Variants in DLG1 observed in about 807,000 individuals in gnomAD.
DLG1 encodes the protein disks large homolog 1.
A neutral mutation model predicts 123.4 loss-of-function variants in DLG1; 42 were observed. The ratio of observed to expected loss-of-function variants is 0.34; its 90% confidence interval spans 0.27 to 0.44. The LOEUF (loss-of-function observed/expected upper bound fraction) is 0.44, where lower values mean the gene tolerates loss of function less well. Ranked by LOEUF, DLG1 falls within the 20% of genes least tolerant of loss-of-function variation. The probability of loss-of-function intolerance (pLI) is 1.00; values close to 1 mark genes in which losing one functional copy is unlikely to be tolerated. For synonymous variants in DLG1, 317 were observed against 356.2 expected (o/e 0.89, Z 1.24); for missense variants, 942 against 1,082.6 (o/e 0.87, Z 1.82).
chr3:197,297,707 G>A (rs1208023887), intron 1 of DLG1: 3 of 988,178 alleles, frequency 3.0e-6, no homozygotes, highest in Non-Finnish European at 3.6e-6. Flanking sequence ...GGCTGCTCCA[G>A]CGGGGGCCGG....
At chr3:197,195,678 T>C (rs923253965) in intron 4 of DLG1, among the ~76,000 whole-genome samples, 5 of 151,980 alleles carry the variant, frequency 3.3e-5, no homozygotes, top group Admixed American at 6.6e-5. Context: ...AGCTAAACAC[T>C]GAACACACAT....
rs568356014 is a variant in DLG1 at position 197,065,998 on chromosome 3, T to C, written c.2099-189A>G. Reference sequence around the variant, plus strand: ...TAATCTTGACTCAGATCTTAAACTTTACTTAGTCTTCTGCTAGAAGTCATA... The same window carrying C: ...TAATCTTGACTCAGATCTTAAACTTCACTTAGTCTTCTGCTAGAAGTCATA... On this transcript the variant is annotated intron_variant, in intron 20 of 24. Coordinates refer to ENST00000667157, the MANE Select transcript of DLG1 (RefSeq NM_001366207.1). 2.3e-4 allele frequency among the ~76,000 whole-genome samples: 35 copies of C among 152,362 alleles called. 1 individual carries two copies. The Middle Eastern group carries it at 0.02, about 89-fold the overall frequency.
At position 197,080,742 on chromosome 3, in the gene DLG1, G is replaced by A. The variant is rs534758624; in HGVS notation, c.1905+309C>T. On this transcript the variant is annotated intron_variant, in intron 17 of 24. Coordinates refer to ENST00000667157, the MANE Select transcript of DLG1 (RefSeq NM_001366207.1). Reference sequence around the variant, plus strand: ...CTCCCAAAGTGCTGGGATTACAGGCGTGAGCCACCATGCCCGGCCTAGTAA... The same window carrying A: ...CTCCCAAAGTGCTGGGATTACAGGCATGAGCCACCATGCCCGGCCTAGTAA... 1.3e-4 allele frequency: 25 copies of A among 195,496 alleles called. No homozygotes were observed. In the South Asian group the frequency reaches 1.5e-3, roughly 11 times the overall value. 12.1% of individuals were successfully genotyped at this position (195,496 alleles called of 1,614,324 possible). A position where few individuals can be genotyped will look rare whatever the true frequency, so the allele number is the denominator to read the frequency against.
intron 5 of DLG1, among the ~76,000 whole-genome samples, chr3:197,182,250 T>C (rs73210537): frequency 4.6e-5 from 7 of 152,328 alleles, no homozygotes; most frequent in Non-Finnish European, 8.8e-5. Context: ...TTTCGTGATA[T>C]ATGTAATTGC....
chr3:197,093,748 CTGTCT>C (rs1560613191), intron 14 of DLG1, among the ~76,000 whole-genome samples: 1 of 152,068 alleles, frequency 6.6e-6, no homozygotes, highest in Non-Finnish European at 1.5e-5. Flanking sequence ...TCTTACCATC[CTGTCT>C]TATTTATTCA....
intron 14 of DLG1, among the ~76,000 whole-genome samples, chr3:197,097,028 A>G (rs552629636): frequency 1.1e-4 from 17 of 152,366 alleles, no homozygotes; most frequent in Non-Finnish European, 2.4e-4. Context: ...GTTTAAAGAC[A>G]TGACCTCAGA....
intron 5 of DLG1, among the ~76,000 whole-genome samples, chr3:197,192,640 T>C (rs1181074558): frequency 1.3e-5 from 2 of 152,144 alleles, no homozygotes; most frequent in East Asian, 3.8e-4. Context: ...TATCTTTAAT[T>C]GATATTCAGC....
chr3:197,089,157 G>C (rs935447896), intron 15 of DLG1, among the ~76,000 whole-genome samples: 21 of 152,216 alleles, frequency 1.4e-4, no homozygotes, highest in Admixed American at 1.4e-3. Context: ...GAGGATGCTT[G>C]TTTCTGGAGA....
At chr3:197,242,511 A>G (rs1218463758) in intron 4 of DLG1, among the ~76,000 whole-genome samples, 1 of 151,782 alleles carries the variant, frequency 6.6e-6, no homozygotes, top group Non-Finnish European at 1.5e-5. Flanking sequence ...CACATAAAAC[A>G]TGCTCCAGAA....
At chr3:197,094,203 T>C (rs978219487) in intron 14 of DLG1, among the ~76,000 whole-genome samples, 2 of 152,218 alleles carry the variant, frequency 1.3e-5, no homozygotes, top group African/African-American at 4.8e-5. Flanking sequence ...CCTCAGTTGA[T>C]GCCAGAAGGA....
intron 4 of DLG1, among the ~76,000 whole-genome samples, chr3:197,265,654 A>G (rs9871992): frequency 0.14 from 21,770 of 152,168 alleles, 2,172 homozygotes; most frequent in African/African-American, 0.28. Flanking sequence ...AGCAAATGGA[A>G]CAAAACCCAG....
intron 5 of DLG1, among the ~76,000 whole-genome samples, chr3:197,178,692 T>C (rs935809243): frequency 1.3e-5 from 2 of 152,020 alleles, no homozygotes; most frequent in African/African-American, 4.8e-5. Flanking sequence ...ATGAGGCTGG[T>C]AGAATATTAA....
chr3:197,298,662 C>A (rs1394766479), upstream of DLG1: 2 of 397,750 alleles, frequency 5.0e-6, no homozygotes, highest in Non-Finnish European at 8.9e-6. Flanking sequence ...ACTGCACCTC[C>A]CAGGGGGCGG....
rs71926647 is a variant in DLG1, at chr3:197,294,657, CAA to C, written c.151+1687_151+1688del. On this transcript the variant is annotated intron_variant, in intron 3 of 24. Transcript: ENST00000667157. ...TGGGTGACAGAGTGAGACTCTGCCT[CAA>C]AAAAAAAAAAAAAAAAAAAGAGAAG... 2.5e-3 allele frequency among the ~76,000 whole-genome samples: 197 copies of C among 79,122 alleles called. 1 individual carries two copies. The highest frequency in any genetic ancestry group is 0.013 in the East Asian group (29 of 2,264). 51.9% of individuals were successfully genotyped at this position (79,122 alleles called of 152,430 possible).
chr3:197,113,609 C>G (rs1002431243), intron 13 of DLG1, among the ~76,000 whole-genome samples: 1 of 152,150 alleles, frequency 6.6e-6, no homozygotes, highest in South Asian at 2.1e-4. Flanking sequence ...TTCACTTTTA[C>G]TTACAACCCA....
chr3:197,184,824 T>TGG (rs1714850262), intron 5 of DLG1, among the ~76,000 whole-genome samples: 1 of 152,236 alleles, frequency 6.6e-6, no homozygotes, highest in Admixed American at 6.5e-5. Context: ...CACCAAATAC[T>TGG]ATCACCTGAT....
chr3:197,258,092 C>T (rs983303154), intron 4 of DLG1, among the ~76,000 whole-genome samples: 13 of 152,294 alleles, frequency 8.5e-5, no homozygotes, highest in African/African-American at 2.9e-4. Flanking sequence ...GAAACGCTGC[C>T]ATGCTAGAAA....
chr3:197,154,448 G>C (rs1795409271), intron 5 of DLG1, among the ~76,000 whole-genome samples: 2 of 152,046 alleles, frequency 1.3e-5, no homozygotes, highest in East Asian at 3.9e-4. Context: ...GACTGAGGTG[G>C]GTGGATCACT....
chr3:197,284,246 T>G (rs930574864), intron 3 of DLG1, among the ~76,000 whole-genome samples: 9 of 152,112 alleles, frequency 5.9e-5, no homozygotes, highest in Non-Finnish European at 1.3e-4. Flanking sequence ...GTGAGGATAA[T>G]ATTAACCTAC....
Sources: allele counts gnomAD v4.1 joint callset (sites outside exome capture counted in the v4.1 genomes callset), GRCh38; gene constraint gnomAD v4.1.1; transcripts MANE v1.5; gene names NCBI Gene and HGNC (gene_info 2026-07-23, HGNC 2026-07-21).